The following POLA1 variants were observed in gnomAD, a reference collection of about 807,000 sequenced individuals.
The protein encoded by POLA1 is DNA polymerase alpha catalytic subunit.
A neutral mutation model predicts 124.0 loss-of-function variants in POLA1; 15 were observed. The ratio of observed to expected loss-of-function variants is 0.12; its 90% CI spans 0.08 to 0.19. POLA1 has a LOEUF of 0.19. Among genes scored for constraint, POLA1 ranks in the 10% least tolerant of loss-of-function variants. The pLI is 1.00. For synonymous variants in POLA1, 408 were observed against 389.4 expected, an observed-to-expected ratio of 1.05 and a Z score of -0.56; for missense variants, 886 against 1,103.4, an observed-to-expected ratio of 0.80 and a Z score of 2.79.
rs11573532 is a variant in POLA1 at position 24,995,955 on chromosome X, A to C, written c.*5A>C. 8.3e-7 allele frequency: 1 copy of C among 1,205,849 alleles called. No homozygotes were observed. The highest frequency in any genetic ancestry group is 2.2e-5 in the Admixed American group (1 of 45,528). ...GGTTGTGCCGTGAAATCCTAAGGGA[A>C]TCCCAGGAGTAACCAAGGAGGGGGT... On this transcript the variant is annotated 3_prime_UTR_variant, in exon 37 of 37. Coordinates refer to ENST00000379068, the MANE Select transcript of POLA1 (RefSeq NM_001330360.2).
chrX:24,877,915 G>GTTTTTTT (rs5901765), intron 34 of POLA1, among the ~76,000 whole-genome samples: 1 of 95,763 alleles, frequency 1.0e-5, no homozygotes, highest in African/African-American at 3.8e-5. Context: ...GTTTTTTTTT[G>GTTTTTTT]TTTTTTTTTT....
intron 30 of POLA1, among the ~76,000 whole-genome samples, chrX:24,818,787 G>A (rs1013741507): frequency 1.8e-5 from 2 of 111,886 alleles, no homozygotes; most frequent in African/African-American, 6.5e-5. Flanking sequence ...CCTGAGGAGT[G>A]GTATCATTTT....
intron 34 of POLA1, among the ~76,000 whole-genome samples, chrX:24,860,867 G>C (rs1473929699): frequency 8.9e-6 from 1 of 112,100 alleles, no homozygotes; most frequent in African/African-American, 3.2e-5. Flanking sequence ...ACTGGATAAA[G>C]CTTTCTCTGA....
At chrX:24,899,121 G>A (rs1213313511) in intron 35 of POLA1, among the ~76,000 whole-genome samples, 3 of 111,652 alleles carry the variant, frequency 2.7e-5, no homozygotes, top group Non-Finnish European at 3.8e-5. Context: ...TTCCTGCTGC[G>A]GACCTTTTCC....
chrX:24,771,802 G>T (rs866013701), intron 26 of POLA1, among the ~76,000 whole-genome samples: 7 of 111,644 alleles, frequency 6.3e-5, no homozygotes, highest in Admixed American at 1.9e-4. Context: ...GTTAAAAGCA[G>T]TTGAATATCA....
intron 26 of POLA1, among the ~76,000 whole-genome samples, chrX:24,770,533 T>G (rs1220469657): frequency 8.9e-6 from 1 of 111,931 alleles, no homozygotes; most frequent in East Asian, 2.8e-4. Flanking sequence ...TGGGGGCTTT[T>G]CTTTTCTAGC....
chrX:24,803,930 T>TA (rs34721601), intron 26 of POLA1, among the ~76,000 whole-genome samples: 550 of 13,840 alleles, frequency 0.04, 111 homozygotes, highest in African/African-American at 0.1. Flanking sequence ...ACCCTAGACT[T>TA]AAAAAAAAAA....
chrX:24,737,102 ATATT>A (rs1404350679), intron 18 of POLA1, among the ~76,000 whole-genome samples: 2 of 111,746 alleles, frequency 1.8e-5, no homozygotes, highest in Admixed American at 1.9e-4. Context: ...GTGGTATTAT[ATATT>A]TATCTTGTTG....
chrX:24,880,918 A>G (rs1388799878), intron 34 of POLA1, among the ~76,000 whole-genome samples: 1 of 111,803 alleles, frequency 8.9e-6, no homozygotes, highest in Non-Finnish European at 1.9e-5. Flanking sequence ...CAAAGCATGC[A>G]TGCTGCCAGA....
chrX:24,811,425 G>A (rs1483303707), intron 28 of POLA1, among the ~76,000 whole-genome samples: 1 of 110,132 alleles, frequency 9.1e-6, no homozygotes, highest in Admixed American at 9.7e-5. Context: ...GAGTAGCTGG[G>A]ATTACAGGCA....
chrX:24,891,333 A>AC (rs2047141199), intron 35 of POLA1, among the ~76,000 whole-genome samples: 1 of 111,160 alleles, frequency 9.0e-6, no homozygotes, highest in Non-Finnish European at 1.9e-5. Flanking sequence ...CTATGGAGTT[A>AC]CTCAGTTTCA....
In POLA1 at chrX:24,699,518, A is replaced by T; in HGVS notation, c.137A>T (p.Lys46Met). The T allele has an allele frequency of 8.5e-7, 1 of 1,178,524 alleles. No homozygotes were observed. The highest frequency in any genetic ancestry group is 1.1e-6 in the Non-Finnish European group (1 of 876,108). ...CAAGAAGCCCTAGAAAGACTGAAAA[A>T]GGCTAAAGCTGGTGAGAAGTATAAA... ...GRQEALERLKKAKAGEKYKYE... is the reference protein window; with the variant it reads ...GRQEALERLKMAKAGEKYKYE... The change falls in exon 2 of 37, where the codon AAG becomes ATG. Residue 46 changes from lysine (K) to methionine (M), a missense_variant. This residue lies in a region of POLA1 where 49 missense variants were observed against 39.2 expected (regional missense o/e 1.25). Transcript: ENST00000379068.
At chrX:24,899,610 A>G (rs1226372079) in intron 35 of POLA1, among the ~76,000 whole-genome samples, 3 of 112,012 alleles carry the variant, frequency 2.7e-5, no homozygotes, top group Non-Finnish European at 3.8e-5. Flanking sequence ...GCTGCGGGAG[A>G]TGAGAGAAGG....
chrX:24,963,798 CA>C (rs781007038), intron 36 of POLA1, among the ~76,000 whole-genome samples: 119 of 111,600 alleles, frequency 1.1e-3, no homozygotes, highest in African/African-American at 3.0e-3. Flanking sequence ...ACTATGTCAG[CA>C]AAATCCCATT....
chrX:24,962,232 T>C (rs2048176062), intron 36 of POLA1, among the ~76,000 whole-genome samples: 1 of 111,216 alleles, frequency 9.0e-6, no homozygotes, highest in South Asian at 3.7e-4. Flanking sequence ...GTAATATTGA[T>C]CACATGTTAG....
chrX:24,826,678 T>G, intron 32 of POLA1, 77 bp downstream of exon 32: 2 of 621,705 alleles, frequency 3.2e-6, no homozygotes, highest in Non-Finnish European at 5.0e-6. Flanking sequence ...TTGAGATCTC[T>G]GCTTATGGGC....
At chrX:24,773,212 A>G (rs2045073586) in intron 26 of POLA1, among the ~76,000 whole-genome samples, 1 of 112,543 alleles carries the variant, frequency 8.9e-6, no homozygotes, top group Non-Finnish European at 1.9e-5. Context: ...TGTGAACTGA[A>G]TGCAGATAGA....
chrX:24,787,455 A>G (rs1351218816), intron 26 of POLA1, among the ~76,000 whole-genome samples: 1 of 111,948 alleles, frequency 8.9e-6, no homozygotes, highest in Non-Finnish European at 1.9e-5. Flanking sequence ...TCCCAGTACC[A>G]TTTATTGAGG....
At chrX:24,704,501 T>C in intron 4 of POLA1, 32 bp downstream of exon 4, 4 of 994,284 alleles carry the variant, frequency 4.0e-6, no homozygotes, top group Non-Finnish European at 5.7e-6. Context: ...GGGTGTTGTT[T>C]TGAGATTTAA....
Sources: gnomAD v4.1 joint callset for allele counts (sites outside exome capture counted in the v4.1 genomes callset) on GRCh38, gnomAD v4.1.1 for gene constraint, gnomAD v4.1.1 regional missense constraint, MANE v1.5 for transcripts, NCBI Gene and HGNC (gene_info 2026-07-23, HGNC 2026-07-21) for gene names.